NRCAM: variants seen among roughly 807,000 people sequenced by gnomAD.
The protein encoded by NRCAM is NgCAM-related cell adhesion molecule.
A neutral mutation model predicts 156.5 loss-of-function variants in NRCAM; 83 were observed. The ratio of observed to expected loss-of-function variants is 0.53; its 90% CI spans 0.44 to 0.64. NRCAM has a LOEUF of 0.64. Among genes scored for constraint, NRCAM ranks in the 30% least tolerant of loss-of-function variants. The probability of loss-of-function intolerance (pLI) is 0.00; values close to 1 mark genes in which losing one functional copy is unlikely to be tolerated. For missense variants in NRCAM, 1,417 were observed against 1,597.3 expected, an observed-to-expected ratio of 0.89 and a Z score of 1.92; for synonymous variants, 538 against 563.9, an observed-to-expected ratio of 0.95 and a Z score of 0.65.
chr7:108,234,856 T>A, intron 5 of NRCAM, 168 bp from the exon 6 acceptor site: 2 of 756,914 alleles, frequency 2.6e-6, no homozygotes, highest in Non-Finnish European at 4.8e-6. Flanking sequence ...CTGCTAAAGG[T>A]CTGCTAAAAC....
Position 108,182,866 on chromosome 7 carries a change from G to A in NRCAM, c.2359C>T (p.Arg787Cys), listed in dbSNP as rs769341831. Residue 787 changes from arginine (R) to cysteine (C), a missense_variant, in exon 23 of 33, where the codon CGC (arginine) becomes TGC (cysteine). This residue lies in a region of NRCAM where 1,238 missense variants were observed against 1,336.4 expected (regional missense o/e 0.93). Coordinates refer to ENST00000379028, the MANE Select transcript of NRCAM (RefSeq NM_001037132.4). ...GPGLQYKVSW[R>C]QKDGDDEWTS... ...CATTCATCATCACCATCTTTCTGGC[G>A]CCAGCTAACTTTGTACTGAAGGCCT... 21 of 1,614,032 alleles carry A rather than the reference G, an allele frequency of 1.3e-5. No individual in the cohort carries two copies. The highest frequency in any genetic ancestry group is 6.7e-5 in the African/African-American group (5 of 74,918).
In NRCAM at chr7:108,149,309, T is replaced by C. The variant is rs920672192; in HGVS notation, c.*601A>G. The C allele has an allele frequency of 2.0e-5, 3 of 152,612 alleles. No homozygotes were observed. The highest frequency in any genetic ancestry group is 7.2e-5 in the African/African-American group (3 of 41,436). The allele number at this position is 152,612 out of a possible 1,614,324, so 9.5% of individuals were successfully genotyped here. On this transcript the variant is annotated 3_prime_UTR_variant, in exon 33 of 33. Coordinates refer to ENST00000379028, the MANE Select transcript of NRCAM (RefSeq NM_001037132.4). ...AACAGGAGCCAAGAGTAGGTAATAG[T>C]TCTCAGTAAGCATCAGCAATGTGAC...
intron 3 of NRCAM, among the ~76,000 whole-genome samples, chr7:108,312,173 A>G (rs981067410): frequency 4.6e-5 from 7 of 152,208 alleles, no homozygotes; most frequent in African/African-American, 7.2e-5. Context: ...CACATTTCAA[A>G]GTAACATTTA....
At chr7:108,226,432 C>T in intron 8 of NRCAM, 54 bp from the exon 9 acceptor site, 2 of 1,311,504 alleles carry the variant, frequency 1.5e-6, no homozygotes, top group South Asian at 2.6e-5. Context: ...TGGCTACCCT[C>T]CAAATTAGCA....
At chr7:108,433,964 C>T (rs1356649904) in intron 1 of NRCAM, among the ~76,000 whole-genome samples, 1 of 152,168 alleles carries the variant, frequency 6.6e-6, no homozygotes, top group East Asian at 1.9e-4. Context: ...ATGAAGGGAA[C>T]TTCTGGCATA....
chr7:108,334,183 C>T (rs1302867155), intron 2 of NRCAM, among the ~76,000 whole-genome samples: 1 of 152,132 alleles, frequency 6.6e-6, no homozygotes, highest in African/African-American at 2.4e-5. Flanking sequence ...TGTGCCATTA[C>T]ACATTATTTT....
At chr7:108,394,119 AATGC>A (rs1312969304) in intron 2 of NRCAM, among the ~76,000 whole-genome samples, 1 of 152,202 alleles carries the variant, frequency 6.6e-6, no homozygotes, top group Non-Finnish European at 1.5e-5. Flanking sequence ...CCACTCATTG[AATGC>A]ACATGGGCCT....
At chr7:108,268,637 G>GGGGGGGGGGGA (rs2097209664) in intron 3 of NRCAM, among the ~76,000 whole-genome samples, 9 of 48,588 alleles carry the variant, frequency 1.9e-4, no homozygotes, top group Non-Finnish European at 2.8e-4. Flanking sequence ...GGGGGGGGTT[G>GGGGGGGGGGGA]GGGGGGGCGG....
intron 1 of NRCAM, among the ~76,000 whole-genome samples, chr7:108,432,366 G>C (rs1455369204): frequency 6.6e-6 from 1 of 152,208 alleles, no homozygotes; most frequent in Admixed American, 6.5e-5. Context: ...CTTGTTCGAA[G>C]AATTGGTGTA....
chr7:108,207,911 T>C (rs2082011322), intron 12 of NRCAM, among the ~76,000 whole-genome samples: 1 of 152,194 alleles, frequency 6.6e-6, no homozygotes. Flanking sequence ...TCTCATTTTA[T>C]ATTAAAATTA....
rs185018118 is a variant in NRCAM at position 108,275,295 on chromosome 7, A to G, written c.-106-35125T>C. Among the ~76,000 whole-genome samples, 804 of 152,328 alleles carry G rather than the reference A, an allele frequency of 5.3e-3. 5 individuals are homozygous for G. The highest frequency in any genetic ancestry group is 0.018 in the African/African-American group (735 of 41,572). On this transcript the variant is annotated intron_variant, in intron 3 of 32. Transcript: ENST00000379028. ...ATTCCCTCTTTTTCTACTGATCGGAATAGCTTCAGAAGGAATGGTACCAGC... is the reference window on the plus strand; with the variant it reads ...ATTCCCTCTTTTTCTACTGATCGGAGTAGCTTCAGAAGGAATGGTACCAGC...
intron 1 of NRCAM, among the ~76,000 whole-genome samples, chr7:108,432,732 T>A (rs1826933344): frequency 6.6e-6 from 1 of 152,072 alleles, no homozygotes; most frequent in South Asian, 2.1e-4. Flanking sequence ...TGAAACCCCA[T>A]CTCTATTAAA....
At chr7:108,308,979 T>A (rs1346880056) in intron 3 of NRCAM, among the ~76,000 whole-genome samples, 1 of 152,242 alleles carries the variant, frequency 6.6e-6, no homozygotes, top group Admixed American at 6.5e-5. Context: ...GAATTTAATA[T>A]GCTTCCATCT....
intron 3 of NRCAM, among the ~76,000 whole-genome samples, chr7:108,304,115 T>G (rs1217842064): frequency 1.3e-5 from 2 of 152,210 alleles, no homozygotes; most frequent in African/African-American, 4.8e-5. Flanking sequence ...CTTGCTGCTT[T>G]AAACAGGTTT....
At chr7:108,439,936 C>CAGCCACTT (rs2154479957) in intron 1 of NRCAM, among the ~76,000 whole-genome samples, 1 of 150,174 alleles carries the variant, frequency 6.7e-6, no homozygotes, top group Admixed American at 6.6e-5. Flanking sequence ...TAAAATGATA[C>CAGCCACTT]AGCCACTTTA....
intron 1 of NRCAM, among the ~76,000 whole-genome samples, chr7:108,415,415 G>C (rs1048608092): frequency 6.6e-5 from 10 of 152,132 alleles, no homozygotes; most frequent in Non-Finnish European, 1.3e-4. Flanking sequence ...CTCAAATGGT[G>C]CAAACTTGGG....
At chr7:108,333,134 T>C (rs968195012) in intron 2 of NRCAM, among the ~76,000 whole-genome samples, 1 of 152,214 alleles carries the variant, frequency 6.6e-6, no homozygotes, top group African/African-American at 2.4e-5. Flanking sequence ...ATATCACTAG[T>C]TGTAAAACAA....
chr7:108,205,232 C>T (rs2080483123), intron 13 of NRCAM, among the ~76,000 whole-genome samples: 1 of 152,196 alleles, frequency 6.6e-6, no homozygotes, highest in African/African-American at 2.4e-5. Context: ...GGACACATAG[C>T]AGCATCTGTG....
intron 3 of NRCAM, among the ~76,000 whole-genome samples, chr7:108,308,681 G>T (rs2098754790): frequency 6.6e-6 from 1 of 152,184 alleles, no homozygotes; most frequent in Non-Finnish European, 1.5e-5. Context: ...TCTCCCAAGA[G>T]AAAATGCTGA....
Sources: gnomAD v4.1 joint callset for allele counts (sites outside exome capture counted in the v4.1 genomes callset) on GRCh38, gnomAD v4.1.1 for gene constraint, gnomAD v4.1.1 regional missense constraint, MANE v1.5 for transcripts, NCBI Gene and HGNC (gene_info 2026-07-23, HGNC 2026-07-21) for gene names.